PLCXD3: variants seen among roughly 807,000 people sequenced by gnomAD.
The protein encoded by PLCXD3 is phosphatidylinositol specific phospholipase C X domain containing 3, also known as PI-PLC X domain-containing protein 3.
PLCXD3 carries 19 observed loss-of-function variants against 25.5 expected under a neutral mutation model. That is an observed-to-expected ratio of 0.75 (90% confidence interval 0.52 to 1.09). The LOEUF (loss-of-function observed/expected upper bound fraction) is 1.09. PLCXD3 is among the 50% of genes least tolerant of loss of function. The probability of loss-of-function intolerance (pLI) is 0.00; values close to 1 mark genes in which losing one functional copy is unlikely to be tolerated. For missense variants in PLCXD3, 411 were observed against 388.1 expected (o/e 1.06, Z -0.50); for synonymous variants, 174 against 137.6 (o/e 1.26, Z -1.85).
chr5:41,367,557 T>G (rs555781602), intron 2 of PLCXD3, among the ~76,000 whole-genome samples: 2 of 152,196 alleles, frequency 1.3e-5, no homozygotes, highest in Non-Finnish European at 2.9e-5. Context: ...GTCAGAAGGA[T>G]AGATTGCAAA....
chr5:41,375,526 A>C (rs558283649), intron 2 of PLCXD3, among the ~76,000 whole-genome samples: 2 of 152,224 alleles, frequency 1.3e-5, no homozygotes, highest in Admixed American at 1.3e-4. Flanking sequence ...ATTTAATAAA[A>C]AATGGTGAAA....
At chr5:41,388,179 G>A (rs911572638) in intron 1 of PLCXD3, among the ~76,000 whole-genome samples, 15 of 151,460 alleles carry the variant, frequency 9.9e-5, no homozygotes, top group Admixed American at 2.0e-4. Flanking sequence ...ATTTAATTAG[G>A]GAAGTTAGGC....
chr5:41,408,441 C>A (rs1746415645), intron 1 of PLCXD3, among the ~76,000 whole-genome samples: 2 of 152,148 alleles, frequency 1.3e-5, no homozygotes, highest in South Asian at 4.1e-4. Flanking sequence ...ACACATACTT[C>A]TGCTTATCTG....
At chr5:41,435,442 G>A (rs112306251) in intron 1 of PLCXD3, among the ~76,000 whole-genome samples, 20 of 152,180 alleles carry the variant, frequency 1.3e-4, no homozygotes, top group African/African-American at 4.6e-4. Context: ...GATAGCTGAG[G>A]TTCACGGAGC....
At chr5:41,331,247 G>A (rs2150474414) in intron 2 of PLCXD3, among the ~76,000 whole-genome samples, 1 of 152,214 alleles carries the variant, frequency 6.6e-6, no homozygotes, top group Non-Finnish European at 1.5e-5. Flanking sequence ...CTTCAGCAAA[G>A]TCTCAGGATA....
intron 1 of PLCXD3, among the ~76,000 whole-genome samples, chr5:41,504,717 C>A (rs943356987): frequency 1.3e-5 from 2 of 152,158 alleles, no homozygotes; most frequent in African/African-American, 4.8e-5. Flanking sequence ...GCAAAGGTGA[C>A]AACTCTCCAA....
intron 1 of PLCXD3, among the ~76,000 whole-genome samples, chr5:41,391,604 C>T (rs577882821): frequency 1.3e-5 from 2 of 152,302 alleles, no homozygotes; most frequent in African/African-American, 2.4e-5. Context: ...CTAAGACTTG[C>T]TGGCTTCAGG....
At chr5:41,342,635 C>T (rs1744183704) in intron 2 of PLCXD3, among the ~76,000 whole-genome samples, 1 of 152,012 alleles carries the variant, frequency 6.6e-6, no homozygotes, top group Non-Finnish European at 1.5e-5. Flanking sequence ...ATTTTATTAC[C>T]ACTTCACTAT....
At chr5:41,498,925 G>T (rs1343577973) in intron 1 of PLCXD3, among the ~76,000 whole-genome samples, 2 of 151,658 alleles carry the variant, frequency 1.3e-5, no homozygotes, top group East Asian at 3.9e-4. Flanking sequence ...ATCAATAGAT[G>T]CAGGAGAAGC....
At position 41,382,392 on chromosome 5, in the gene PLCXD3, C is replaced by T; in HGVS notation, c.246G>A (p.Met82Ile). ...CAGCTCCTAGCTGGCCAGTAAAATT[C>T]ATTGTCTGAGTGGCTAACCATTTCC... ...LMRKWLATQT[M>I]NFTGQLGAGI... Residue 82 changes from methionine (M) to isoleucine (I), a missense_variant, in exon 2 of 3, where the codon ATG becomes ATA. Coordinates refer to ENST00000377801, the MANE Select transcript of PLCXD3 (RefSeq NM_001005473.3). The T allele has an allele frequency of 6.2e-7, 1 of 1,613,502 alleles. No individual in the cohort carries two copies. The highest frequency in any genetic ancestry group is 8.5e-7 in the Non-Finnish European group (1 of 1,179,698).
Position 41,307,258 on chromosome 5 carries a change from C to T in PLCXD3, c.*6359G>A, listed in dbSNP as rs182368215. 9 of 152,624 alleles carry T rather than the reference C, an allele frequency of 5.9e-5. No individual in the cohort carries two copies. Among genetic ancestry groups the T allele is most frequent in the African/African-American group, 2.2e-4 (9 of 41,546 alleles). The allele number at this position is 152,624 out of a possible 1,614,324, so 9.5% of individuals were successfully genotyped here. A position where few individuals can be genotyped will look rare whatever the true frequency, so the allele number is the denominator to read the frequency against. ...GTGTAAGCAGGAGTCATGAGATGGA[C>T]ATGTTATATTAAAGGATTTGGATTT... On this transcript the variant is annotated 3_prime_UTR_variant, in exon 3 of 3. Transcript: ENST00000377801.
At chr5:41,348,289 G>GT (rs1203103332) in intron 2 of PLCXD3, among the ~76,000 whole-genome samples, 2 of 152,132 alleles carry the variant, frequency 1.3e-5, no homozygotes, top group African/African-American at 4.8e-5. Context: ...ATATAGATGA[G>GT]TTAGTAATTG....
intron 1 of PLCXD3, among the ~76,000 whole-genome samples, chr5:41,492,303 C>A (rs550536946): frequency 1.3e-5 from 2 of 151,708 alleles, no homozygotes; most frequent in Non-Finnish European, 1.5e-5. Context: ...CCGAGAGATC[C>A]GCTGTTAGTC....
Position 41,428,385 on chromosome 5 carries a change from TTTGTTTTTG to T in PLCXD3, c.104-45860_104-45852del, listed in dbSNP as rs1561270581. Among the ~76,000 whole-genome samples, 13 of 145,098 alleles carry T rather than the reference TTTGTTTTTG, an allele frequency of 9.0e-5. 2 individuals are homozygous for T. Among genetic ancestry groups the T allele is most frequent in the Non-Finnish European group, 1.7e-4 (11 of 66,310 alleles). ...TTAAGTTAAAATGAGTTTTTTTGTT[TTTGTTTTTG>T]TTTTTTTTAGGGTGGGCCCTAATCC... On this transcript the variant is annotated intron_variant, in intron 1 of 2. Transcript: ENST00000377801.
intron 1 of PLCXD3, among the ~76,000 whole-genome samples, chr5:41,415,269 A>G (rs979912463): frequency 3.2e-4 from 48 of 152,310 alleles, no homozygotes; most frequent in African/African-American, 1.1e-3. Flanking sequence ...ACTTTTTAAA[A>G]AGAGTGTTTC....
intron 1 of PLCXD3, among the ~76,000 whole-genome samples, chr5:41,437,019 G>A (rs1747270637): frequency 6.6e-6 from 1 of 152,190 alleles, no homozygotes; most frequent in African/African-American, 2.4e-5. Flanking sequence ...GGGTTAGAGA[G>A]GAGACCAATG....
At chr5:41,508,109 G>A (rs1052647524) in intron 1 of PLCXD3, among the ~76,000 whole-genome samples, 11 of 152,204 alleles carry the variant, frequency 7.2e-5, no homozygotes, top group Non-Finnish European at 1.3e-4. Context: ...GTATTGGAGT[G>A]AGAAGGGGAA....
chr5:41,418,888 G>T (rs1197572053), intron 1 of PLCXD3, among the ~76,000 whole-genome samples: 2 of 152,142 alleles, frequency 1.3e-5, no homozygotes, highest in East Asian at 3.9e-4. Context: ...ACCTCAGAAG[G>T]TTACATTGTT....
chr5:41,419,014 A>G (rs1183405195), intron 1 of PLCXD3, among the ~76,000 whole-genome samples: 2 of 152,196 alleles, frequency 1.3e-5, no homozygotes, highest in East Asian at 3.9e-4. Context: ...GACTGAGGCC[A>G]CAGCCCTCGA....
Sources: allele counts gnomAD v4.1 joint callset (sites outside exome capture counted in the v4.1 genomes callset), GRCh38; gene constraint gnomAD v4.1.1; transcripts MANE v1.5; gene names NCBI Gene and HGNC (gene_info 2026-07-23, HGNC 2026-07-21).